Variants in BDKRB2 observed in about 807,000 individuals in gnomAD.
The protein encoded by BDKRB2 is bradykinin receptor B2.
A neutral mutation model predicts 4.0 loss-of-function variants in BDKRB2; 6 were observed. The observed-to-expected ratio is 1.49, with a 90% CI of 0.81 to 2.93. BDKRB2 has a LOEUF of 2.93. BDKRB2 is among the 30% of genes most tolerant of loss of function. The pLI is 0.00. For synonymous variants in BDKRB2, 225 were observed against 215.3 expected, an observed-to-expected ratio of 1.05 and a Z score of -0.40; for missense variants, 478 against 520.1, an observed-to-expected ratio of 0.92 and a Z score of 0.79.
intron 1 of BDKRB2, among the ~76,000 whole-genome samples, chr14:96,225,813 C>T (rs1890682747): frequency 1.3e-5 from 2 of 152,178 alleles, no homozygotes; most frequent in Non-Finnish European, 2.9e-5. Flanking sequence ...TTTGTATACC[C>T]AGCTGGGTGG....
At chr14:96,237,947 C>G in intron 2 of BDKRB2, 1 of 1,212,232 alleles carries the variant, frequency 8.2e-7, no homozygotes, top group South Asian at 1.5e-5. Context: ...TGAAAGATGA[C>G]AGACTCTCCA....
In BDKRB2 at chr14:96,236,073, A is replaced by G. The variant is rs568975485; in HGVS notation, c.-39-996A>G. Reference sequence around the variant, plus strand: ...TGGATGGGAGTGATGTGAAACTTGAAGAGGGGTAGAGACAAGGGTCGTCAA... The same window carrying G: ...TGGATGGGAGTGATGTGAAACTTGAGGAGGGGTAGAGACAAGGGTCGTCAA... On this transcript the variant is annotated intron_variant, in intron 1 of 2. Transcript: ENST00000554311. Among the ~76,000 whole-genome samples the G allele has an allele frequency of 1.6e-3, 247 of 152,294 alleles. 1 individual carries two copies. Among genetic ancestry groups the G allele is most frequent in the African/African-American group, 5.4e-3 (224 of 41,564 alleles).
intron 2 of BDKRB2, 157 bp from the exon 3 acceptor site, chr14:96,240,246 G>A (rs1053575860): frequency 1.5e-6 from 2 of 1,324,622 alleles, no homozygotes; most frequent in Non-Finnish European, 1.9e-6. Flanking sequence ...GGGGAGTCAG[G>A]TGCACTGGAG....
chr14:96,232,047 G>A (rs1004030291), intron 1 of BDKRB2, among the ~76,000 whole-genome samples: 1 of 152,182 alleles, frequency 6.6e-6, no homozygotes, highest in African/African-American at 2.4e-5. Flanking sequence ...AACCTCAGCT[G>A]GCCTGTGAGC....
intron 1 of BDKRB2, among the ~76,000 whole-genome samples, chr14:96,206,412 T>A (rs920075515): frequency 1.2e-4 from 18 of 152,232 alleles, no homozygotes; most frequent in African/African-American, 4.3e-4. Flanking sequence ...TCGCTCAGTG[T>A]CCAGGGAAAT....
chr14:96,235,799 C>A (rs1310001496), intron 1 of BDKRB2, among the ~76,000 whole-genome samples: 3 of 148,442 alleles, frequency 2.0e-5, no homozygotes, highest in Non-Finnish European at 4.5e-5. Context: ...ACACACACAC[C>A]CACATACCCA....
intron 1 of BDKRB2, among the ~76,000 whole-genome samples, chr14:96,211,508 C>T (rs1429962929): frequency 6.6e-6 from 1 of 152,238 alleles, no homozygotes; most frequent in Non-Finnish European, 1.5e-5. Context: ...TACAGGTGTG[C>T]TCACACGTGG....
At chr14:96,230,129 G>A (rs193119106) in intron 1 of BDKRB2, among the ~76,000 whole-genome samples, 9 of 151,080 alleles carry the variant, frequency 6.0e-5, no homozygotes, top group Admixed American at 4.0e-4. Flanking sequence ...GCGAGACTCC[G>A]TCTCAACAAA....
intron 1 of BDKRB2, among the ~76,000 whole-genome samples, chr14:96,228,361 A>T (rs181319846): frequency 1.3e-5 from 2 of 152,186 alleles, no homozygotes; most frequent in East Asian, 3.9e-4. Flanking sequence ...CCCTCTTGGT[A>T]CCTGGGTCCT....
Position 96,237,078 on chromosome 14 carries a change from G to C in BDKRB2, c.-30G>C. 6.3e-7 allele frequency: 1 copy of C among 1,579,332 alleles called. No individual in the cohort carries two copies. Among genetic ancestry groups the C allele is most frequent in the Non-Finnish European group, 8.7e-7 (1 of 1,148,306 alleles). On this transcript the variant is annotated 5_prime_UTR_variant, in exon 2 of 3. Coordinates refer to ENST00000554311, the MANE Select transcript of BDKRB2 (RefSeq NM_001379692.1). ...TTTCTTCTCTGTTCAGCCCAGGTGTGGCCTCACTCACATCCCACTCTGAGT... is the reference window on the plus strand; with the variant it reads ...TTTCTTCTCTGTTCAGCCCAGGTGTCGCCTCACTCACATCCCACTCTGAGT...
At chr14:96,239,449 C>T (rs1885208904) in intron 2 of BDKRB2, 1 of 985,380 alleles carries the variant, frequency 1.0e-6, no homozygotes, top group Non-Finnish European at 1.2e-6. Flanking sequence ...AGCAACAAGT[C>T]TAGAAAGGTG....
In BDKRB2 at chr14:96,240,849, C is replaced by A; in HGVS notation, c.521C>A (p.Ala174Asp). 6.4e-7 allele frequency: 1 copy of A among 1,570,612 alleles called. No homozygotes were observed. The highest frequency in any genetic ancestry group is 1.2e-5 in the South Asian group (1 of 81,670). Residue 174 changes from alanine to aspartate, a missense_variant, in exon 3 of 3, where the codon GCC becomes GAC. By Grantham distance (126) the Ala-to-Asp change is moderately radical (BLOSUM62 -2). Coordinates refer to ENST00000554311, the MANE Select transcript of BDKRB2 (RefSeq NM_001379692.1). ...SMGRMRGVRWAKLYSLVIWGC... is the reference protein window; with the variant it reads ...SMGRMRGVRWDKLYSLVIWGC... ...GGCCGGATGCGCGGCGTGCGCTGGG[C>A]CAAGCTCTACAGCTTGGTGATCTGG... is the stretch of plus-strand genomic sequence containing the variant.
intron 1 of BDKRB2, among the ~76,000 whole-genome samples, chr14:96,207,239 A>G (rs1326211098): frequency 2.6e-5 from 4 of 152,212 alleles, no homozygotes; most frequent in African/African-American, 9.6e-5. Context: ...ACATGGATGG[A>G]TCAGTGTTTG....
intron 1 of BDKRB2, among the ~76,000 whole-genome samples, chr14:96,209,203 G>A (rs928532220): frequency 2.0e-5 from 3 of 152,236 alleles, no homozygotes; most frequent in African/African-American, 7.2e-5. Context: ...TGAAATGACA[G>A]ACTGCGGCAA....
chr14:96,227,558 AACAC>A (rs1040393861), intron 1 of BDKRB2, among the ~76,000 whole-genome samples: 1 of 151,830 alleles, frequency 6.6e-6, no homozygotes, highest in Non-Finnish European at 1.5e-5. Flanking sequence ...TGCACACACA[AACAC>A]ACACATGTGT....
intron 1 of BDKRB2, among the ~76,000 whole-genome samples, chr14:96,228,616 G>A (rs567887031): frequency 2.6e-5 from 4 of 152,190 alleles, no homozygotes; most frequent in Non-Finnish European, 5.9e-5. Context: ...TGGAGTTTGG[G>A]GTTTTTATGG....
chr14:96,236,744 C>T (rs1890943444), intron 1 of BDKRB2, among the ~76,000 whole-genome samples: 1 of 152,224 alleles, frequency 6.6e-6, no homozygotes, highest in Non-Finnish European at 1.5e-5. Context: ...TTCTGCTCAC[C>T]CTCAGTGTTC....
intron 1 of BDKRB2, among the ~76,000 whole-genome samples, chr14:96,224,733 C>T (rs987518179): frequency 2.0e-5 from 3 of 152,144 alleles, no homozygotes; most frequent in East Asian, 1.9e-4. Context: ...GGGCCCGTTT[C>T]CCTGCAGATC....
chr14:96,223,622 G>T (rs1160359370), intron 1 of BDKRB2, among the ~76,000 whole-genome samples: 1 of 152,152 alleles, frequency 6.6e-6, no homozygotes, highest in Non-Finnish European at 1.5e-5. Flanking sequence ...ACACTTGGCA[G>T]ATGGAGGAAG....
Sources: allele counts gnomAD v4.1 joint callset (sites outside exome capture counted in the v4.1 genomes callset), GRCh38; gene constraint gnomAD v4.1.1; transcripts MANE v1.5; gene names NCBI Gene and HGNC (gene_info 2026-07-23, HGNC 2026-07-21).